Variants in VSTM4 observed in about 807,000 individuals in gnomAD.
The protein encoded by VSTM4 is V-set and transmembrane domain containing 4.
In VSTM4, 20 loss-of-function variants were observed where a neutral mutation model predicts 36.4. That is an observed-to-expected ratio of 0.55 (90% CI 0.39 to 0.80). The LOEUF (loss-of-function observed/expected upper bound fraction) is 0.80, where lower values mean the gene tolerates loss of function less well. VSTM4 is among the 30% of genes least tolerant of loss of function. The pLI, the probability that VSTM4 is intolerant of heterozygous loss-of-function variation, is 0.00. For missense variants in VSTM4, 392 were observed against 404.5 expected, an observed-to-expected ratio of 0.97 and a Z score of 0.26; for synonymous variants, 182 against 173.9, an observed-to-expected ratio of 1.05 and a Z score of -0.37.
At chr10:49,078,732 T>C (rs2131993281) in intron 3 of VSTM4, among the ~76,000 whole-genome samples, 1 of 152,342 alleles carries the variant, frequency 6.6e-6, no homozygotes, top group East Asian at 1.9e-4. Flanking sequence ...TGTATGGATG[T>C]TAATATCCTG....
Position 49,018,048 on chromosome 10 carries a change from G to C in VSTM4, c.*1602C>G, listed in dbSNP as rs1843128418. 1 of 152,186 alleles carries C rather than the reference G, an allele frequency of 6.6e-6. No individual in the cohort carries two copies. Among genetic ancestry groups the C allele is most frequent in the Non-Finnish European group, 1.5e-5 (1 of 68,030 alleles). 9.4% of individuals were successfully genotyped at this position (152,186 alleles called of 1,614,324 possible). On this transcript the variant is annotated 3_prime_UTR_variant, in exon 8 of 8. Coordinates refer to ENST00000332853, the MANE Select transcript of VSTM4 (RefSeq NM_001031746.5). ...AGAGGGTGAACTTCCACTTTGTAAAGGCAGACCAGTTTGCTCCCAGAAAAT... is the reference window on the plus strand; with the variant it reads ...AGAGGGTGAACTTCCACTTTGTAAACGCAGACCAGTTTGCTCCCAGAAAAT...
chr10:49,040,513 T>C lies in VSTM4; in HGVS notation c.837+6470A>G, dbSNP rs565200358. Among the ~76,000 whole-genome samples the C allele has an allele frequency of 3.3e-5, 5 of 152,290 alleles. No individual in the cohort carries two copies. In the South Asian group the frequency reaches 1.0e-3, roughly 32 times the overall value. On this transcript the variant is annotated intron_variant, in intron 7 of 7. Transcript: ENST00000332853. The stretch of plus-strand genomic sequence containing the variant: ...ATTGGCCGGGCGAGTCTCAAACTCC[T>C]GACTTCAGGTGATCAGCCTGCCTCG...
chr10:49,086,427 A>C (rs1844371833), intron 2 of VSTM4, among the ~76,000 whole-genome samples: 1 of 152,154 alleles, frequency 6.6e-6, no homozygotes, highest in South Asian at 2.1e-4. Flanking sequence ...TCATCAGATG[A>C]CTCAAGGTTA....
At chr10:49,044,902 C>CT (rs1480963541) in intron 7 of VSTM4, among the ~76,000 whole-genome samples, 1 of 152,218 alleles carries the variant, frequency 6.6e-6, no homozygotes, top group East Asian at 1.9e-4. Flanking sequence ...GGCTATAGAT[C>CT]TTTTTTTCAT....
In VSTM4 at chr10:49,064,696, T is replaced by C. The variant is rs2131978256; in HGVS notation, c.668+7A>G. 2 of 1,609,616 alleles carry C rather than the reference T, an allele frequency of 1.2e-6. No homozygotes were observed. Among genetic ancestry groups the C allele is most frequent in the East Asian group, 4.5e-5 (2 of 44,832 alleles). On this transcript the variant is annotated splice_region_variant and intron_variant, in intron 5 of 7. Coordinates refer to ENST00000332853, the MANE Select transcript of VSTM4 (RefSeq NM_001031746.5). ...TTCATCTGAAAAAAGGAAGAAAATA[T>C]TCTTACCTGTTCTGAGGGCATTTCA...
At chr10:49,070,251 T>TAAAAAA (rs1844051045) in intron 4 of VSTM4, among the ~76,000 whole-genome samples, 1 of 66,276 alleles carries the variant, frequency 1.5e-5, no homozygotes. Flanking sequence ...AGACTCCGTC[T>TAAAAAA]CAAAAAAAAA....
intron 3 of VSTM4, among the ~76,000 whole-genome samples, chr10:49,081,834 A>C (rs1260031332): frequency 1.3e-5 from 2 of 152,220 alleles, no homozygotes; most frequent in African/African-American, 2.4e-5. Flanking sequence ...TTGAAGCTAC[A>C]GATCTGTAAA....
chr10:49,057,883 T>C (rs752214452), intron 5 of VSTM4, among the ~76,000 whole-genome samples: 3 of 152,214 alleles, frequency 2.0e-5, no homozygotes, highest in Non-Finnish European at 2.9e-5. Flanking sequence ...TTTAGAGTTC[T>C]GGTGTTCTTT....
chr10:49,098,119 C>T (rs909892592), intron 2 of VSTM4, among the ~76,000 whole-genome samples: 1 of 152,096 alleles, frequency 6.6e-6, no homozygotes, highest in African/African-American at 2.4e-5. Flanking sequence ...ATCATCCCAA[C>T]CCCCCTGCTT....
chr10:49,093,742 C>CT (rs35299738), intron 2 of VSTM4, among the ~76,000 whole-genome samples: 8,422 of 103,656 alleles, frequency 0.081, 586 homozygotes, highest in Non-Finnish European at 0.11. Flanking sequence ...CATAGTTACT[C>CT]TTTTTTTTTT....
At chr10:49,088,740 G>C (rs550819715) in intron 2 of VSTM4, among the ~76,000 whole-genome samples, 10 of 152,366 alleles carry the variant, frequency 6.6e-5, no homozygotes, top group African/African-American at 2.4e-4. Context: ...TCCTGAAAAA[G>C]CTTGGCTGGA....
At chr10:49,070,889 GCC>G (rs1844066195) in intron 4 of VSTM4, among the ~76,000 whole-genome samples, 1 of 152,134 alleles carries the variant, frequency 6.6e-6, no homozygotes, top group Non-Finnish European at 1.5e-5. Flanking sequence ...CCTCTCAAAG[GCC>G]CCAGGCCATC....
chr10:49,115,323 G>T, intron 1 of VSTM4, 108 bp downstream of exon 1: 1 of 746,316 alleles, frequency 1.3e-6, no homozygotes, highest in Non-Finnish European at 1.6e-6. Context: ...CCCCCCGCCC[G>T]CGCCCGGAGG....
rs536551601 is a variant in VSTM4, at chr10:49,015,832, G to C, written c.*3818C>G. On this transcript the variant is annotated 3_prime_UTR_variant, in exon 8 of 8. Coordinates refer to ENST00000332853, the MANE Select transcript of VSTM4 (RefSeq NM_001031746.5). ...CTCCCTCCAGCATGCAAGTGGCATGGCTCTTTTTTGTTACCACGCTGTTCC... is the reference window on the plus strand; with the variant it reads ...CTCCCTCCAGCATGCAAGTGGCATGCCTCTTTTTTGTTACCACGCTGTTCC... 6.6e-6 allele frequency: 1 copy of C among 152,378 alleles called. No individual in the cohort carries two copies. Among genetic ancestry groups the C allele is most frequent in the African/African-American group, 2.4e-5 (1 of 41,570 alleles). 9.4% of individuals were successfully genotyped at this position (152,378 alleles called of 1,614,324 possible).
intron 6 of VSTM4, 71 bp downstream of exon 6, chr10:49,048,407 C>T (rs547102445): frequency 4.3e-6 from 6 of 1,389,800 alleles, no homozygotes; most frequent in Non-Finnish European, 5.8e-6. Context: ...CATAATCCAA[C>T]ATGGAACCCC....
chr10:49,079,062 C>A (rs1225086532), intron 3 of VSTM4, among the ~76,000 whole-genome samples: 3 of 152,120 alleles, frequency 2.0e-5, no homozygotes, highest in African/African-American at 7.2e-5. Flanking sequence ...GAACTCCTGA[C>A]TTCAGGTGAT....
In VSTM4 at chr10:49,086,009, C is replaced by A; in HGVS notation, c.472G>T (p.Ala158Ser). 1 of 1,589,766 alleles carries A rather than the reference C, an allele frequency of 6.3e-7. No homozygotes were observed. Among genetic ancestry groups the A allele is most frequent in the Middle Eastern group, 1.7e-4 (1 of 5,964 alleles). ...ATEMRVISLKASEESSFEKTK... is the reference protein window; with the variant it reads ...ATEMRVISLKSSEESSFEKTK... ...TTCTCAAAGGATGACTCTTCAGAAG[C>A]TTTGAGGGAAATGACTGAAAGACAA... The change falls in exon 3 of 8, where the codon GCT becomes TCT. Residue 158 changes from alanine to serine, a missense_variant. Transcript: ENST00000332853.
At chr10:49,092,734 C>A (rs1234019269) in intron 2 of VSTM4, among the ~76,000 whole-genome samples, 1 of 152,154 alleles carries the variant, frequency 6.6e-6, no homozygotes, top group Non-Finnish European at 1.5e-5. Context: ...CATCCTGGGC[C>A]TATAAAAAGT....
chr10:49,108,493 C>G (rs959403119), intron 1 of VSTM4, among the ~76,000 whole-genome samples: 1 of 152,188 alleles, frequency 6.6e-6, no homozygotes, highest in African/African-American at 2.4e-5. Context: ...GTAGGGCCCT[C>G]TCTCTGGTGG....
Sources: allele counts gnomAD v4.1 joint callset (sites outside exome capture counted in the v4.1 genomes callset), GRCh38; gene constraint gnomAD v4.1.1; transcripts MANE v1.5; gene names NCBI Gene and HGNC (gene_info 2026-07-23, HGNC 2026-07-21).